Variants in RASAL1 observed in about 807,000 individuals in gnomAD.
The protein encoded by RASAL1 is RAS protein activator like 1, also known as rasGAP-activating-like protein 1.
A neutral mutation model predicts 96.6 loss-of-function variants in RASAL1; 72 were observed. The ratio of observed to expected loss-of-function variants is 0.75; its 90% CI spans 0.62 to 0.91. RASAL1 has a LOEUF of 0.91. Among genes scored for constraint, RASAL1 ranks in the 40% least tolerant of loss-of-function variants. The pLI is 0.00. For synonymous variants in RASAL1, 405 were observed against 430.4 expected (o/e 0.94, Z 0.73); for missense variants, 1,016 against 1,072.5 (o/e 0.95, Z 0.74).
rs1242976644 is a variant in RASAL1, at chr12:113,115,647, C to G, written c.991G>C (p.Val331Leu). Residue 331 changes from valine (V) to leucine (L), a missense_variant, in exon 10 of 21, where the codon GTG (valine) becomes CTG (leucine). Val to Leu is a conservative substitution (Grantham distance 32, BLOSUM62 1). Coordinates refer to ENST00000548055, the MANE Select transcript of RASAL1 (RefSeq NM_001301202.2). This position sits in a 1 kb window ranked among gnomAD's most constrained non-coding sequence, Gnocchi z 4.1. ...RFLDYLTRRE[V>L]ARTMDPNTLF... ...GCGGGCAACTCACTGGTCCGAGCCA[C>G]CTCACGCCGGGTGAGATAGTCCAGA... 1.9e-6 allele frequency: 3 copies of G among 1,613,422 alleles called. No homozygotes were observed. The highest frequency in any genetic ancestry group is 2.5e-6 in the Non-Finnish European group (3 of 1,179,984).
chr12:113,109,209 C>T (rs2136138084), intron 13 of RASAL1, among the ~76,000 whole-genome samples: 1 of 152,164 alleles, frequency 6.6e-6, no homozygotes, highest in South Asian at 2.1e-4. Flanking sequence ...TTCTTCACCA[C>T]ACTCTCCTGC....
chr12:113,101,223 C>T (rs923197114), intron 19 of RASAL1, among the ~76,000 whole-genome samples: 1 of 152,200 alleles, frequency 6.6e-6, no homozygotes, highest in Non-Finnish European at 1.5e-5. Flanking sequence ...GGAGACTAGC[C>T]TGGCCAACAT....
chr12:113,111,688 G>T (rs1950869642), intron 13 of RASAL1, among the ~76,000 whole-genome samples: 1 of 152,110 alleles, frequency 6.6e-6, no homozygotes, highest in Non-Finnish European at 1.5e-5. Context: ...CTGTCTCCTG[G>T]CTTCAAGCGA....
chr12:113,128,900 T>A (rs1227934476), intron 2 of RASAL1, among the ~76,000 whole-genome samples: 1 of 150,660 alleles, frequency 6.6e-6, no homozygotes, highest in Non-Finnish European at 1.5e-5. Flanking sequence ...AGACACACTC[T>A]CACACACTTA....
rs1303879085 is a variant in RASAL1, at chr12:113,132,089, A to G, written c.66-1148T>C. ...CAAGTTCAAGCGATTCTCCTGCCTCAGCCTCCTGAGTAGCTGGGATTACAG... is the reference window on the plus strand; with the variant it reads ...CAAGTTCAAGCGATTCTCCTGCCTCGGCCTCCTGAGTAGCTGGGATTACAG... On this transcript the variant is annotated intron_variant, in intron 1 of 20. Transcript: ENST00000548055. 2.0e-5 allele frequency among the ~76,000 whole-genome samples: 3 copies of G among 149,612 alleles called. No individual in the cohort carries two copies. The East Asian group carries it at 5.9e-4, about 29-fold the overall frequency.
At position 113,115,054 on chromosome 12, in the gene RASAL1, A is replaced by G. The variant is rs1951024112; in HGVS notation, c.1069-142T>C. On this transcript the variant is annotated intron_variant, in intron 11 of 20. Transcript: ENST00000548055. This position sits in a 1 kb window ranked among gnomAD's most constrained non-coding sequence, Gnocchi z 4.1. ...TAGGGGACACATCCAGGTGCAACTCAGGGCAAGGCCGGGCACCAGCCGCCA... is the reference window on the plus strand; with the variant it reads ...TAGGGGACACATCCAGGTGCAACTCGGGGCAAGGCCGGGCACCAGCCGCCA... 1 of 1,105,954 alleles carries G rather than the reference A, an allele frequency of 9.0e-7. No homozygotes were observed. The highest frequency in any genetic ancestry group is 1.7e-5 in the Admixed American group (1 of 57,680). The allele number at this position is 1,105,954 out of a possible 1,614,324, so 68.5% of individuals were successfully genotyped here.
chr12:113,099,869 A>G lies in RASAL1; in HGVS notation c.*60T>C. 1 of 1,559,542 alleles carries G rather than the reference A, an allele frequency of 6.4e-7. No homozygotes were observed. Among genetic ancestry groups the G allele is most frequent in the Non-Finnish European group, 8.7e-7 (1 of 1,149,406 alleles). On this transcript the variant is annotated 3_prime_UTR_variant, in exon 21 of 21. Coordinates refer to ENST00000548055, the MANE Select transcript of RASAL1 (RefSeq NM_001301202.2). ...GGAGACAGGAGACTCCCGGGGCAGG[A>G]TGCGCTGAAGAGGGCCCCCTGGCTC... is the stretch of plus-strand genomic sequence containing the variant.
chr12:113,099,893 T>A lies in RASAL1; in HGVS notation c.*36A>T. On this transcript the variant is annotated 3_prime_UTR_variant, in exon 21 of 21. Transcript: ENST00000548055. The stretch of plus-strand genomic sequence containing the variant: ...GATGCGCTGAAGAGGGCCCCCTGGC[T>A]CTTGCTCCTCCTTCCGGGCTAGCTC... The A allele has an allele frequency of 6.3e-7, 1 of 1,587,560 alleles. No individual in the cohort carries two copies. Among genetic ancestry groups the A allele is most frequent in the Non-Finnish European group, 8.6e-7 (1 of 1,163,016 alleles).
Position 113,100,609 on chromosome 12 carries a change from G to A in RASAL1, c.2278+19C>T. 1 of 1,598,076 alleles carries A rather than the reference G, an allele frequency of 6.3e-7. No individual in the cohort carries two copies. Among genetic ancestry groups the A allele is most frequent in the Non-Finnish European group, 8.6e-7 (1 of 1,166,488 alleles). ...CCACTGCACCCAGCCTTTACCTTCTGAGGTACAGGAGCCCTTACCTGTGTC... is the reference window on the plus strand; with the variant it reads ...CCACTGCACCCAGCCTTTACCTTCTAAGGTACAGGAGCCCTTACCTGTGTC... On this transcript the variant is annotated intron_variant, in intron 20 of 20. Transcript: ENST00000548055.
chr12:113,119,582 C>T (rs370406183), intron 5 of RASAL1, 139 bp from the exon 6 acceptor site: 2 of 815,596 alleles, frequency 2.5e-6, no homozygotes, highest in Middle Eastern at 2.6e-4. Flanking sequence ...GCTAGGGACA[C>T]CCCTAACCAT....
At chr12:113,107,637 T>C (rs1592897488) in intron 14 of RASAL1, 1 of 404,568 alleles carries the variant, frequency 2.5e-6, no homozygotes, top group Admixed American at 3.2e-5. Context: ...AAAAAATAAA[T>C]CAATAAGAAG....
Position 113,115,704 on chromosome 12 carries a change from G to T in RASAL1, c.934C>A (p.Leu312Ile). 1 of 1,614,110 alleles carries T rather than the reference G, an allele frequency of 6.2e-7. No individual in the cohort carries two copies. The highest frequency in any genetic ancestry group is 8.5e-7 in the Non-Finnish European group (1 of 1,180,010). ...RQDLATKLVK[L>I]FLGRGLAGRF... is the part of the protein sequence containing the mutation. ...CCAGCCAGTCCCCGGCCAAGAAAGA[G>T]TTTCACCAGCTTGGTGGCAAGGTCC... The change falls in exon 10 of 21, where the codon CTC (leucine) becomes ATC (isoleucine). Residue 312 changes from leucine to isoleucine, a missense_variant. Leu to Ile is a conservative substitution (Grantham distance 5). Transcript: ENST00000548055. The surrounding 1 kb of genome is among the most constrained non-coding windows in gnomAD (Gnocchi z 4.1).
At position 113,099,907 on chromosome 12, in the gene RASAL1, C is replaced by T; in HGVS notation, c.*22G>A. ...GGCCCCCTGGCTCTTGCTCCTCCTTCCGGGCTAGCTCTGGCATTTCCTTAG... is the reference window on the plus strand; with the variant it reads ...GGCCCCCTGGCTCTTGCTCCTCCTTTCGGGCTAGCTCTGGCATTTCCTTAG... On this transcript the variant is annotated 3_prime_UTR_variant, in exon 21 of 21. Transcript: ENST00000548055. 6.3e-7 allele frequency: 1 copy of T among 1,599,778 alleles called. No homozygotes were observed. The highest frequency in any genetic ancestry group is 8.5e-7 in the Non-Finnish European group (1 of 1,171,236).
rs1951643975 is a variant in RASAL1, at chr12:113,130,087, T to C, written c.122+798A>G. 1.3e-5 allele frequency among the ~76,000 whole-genome samples: 2 copies of C among 151,438 alleles called. No individual in the cohort carries two copies. The highest frequency in any genetic ancestry group is 4.9e-5 in the African/African-American group (2 of 41,196). On this transcript the variant is annotated intron_variant, in intron 2 of 20. Coordinates refer to ENST00000548055, the MANE Select transcript of RASAL1 (RefSeq NM_001301202.2). The surrounding 1 kb of genome is among the most constrained non-coding windows in gnomAD (Gnocchi z 5.1). Reference sequence around the variant, plus strand: ...AGCTCTGAGCCCATCTGGACCAGAATAGGAGCATCCTGAATCCTGCCGTCT... The same window carrying C: ...AGCTCTGAGCCCATCTGGACCAGAACAGGAGCATCCTGAATCCTGCCGTCT...
At position 113,119,365 on chromosome 12, in the gene RASAL1, G is replaced by C. The variant is rs142936191; in HGVS notation, c.507C>G (p.Thr169=). The change falls in exon 6 of 21, where the codon ACC becomes ACG. Residue 169 remains threonine, a synonymous_variant. Transcript: ENST00000548055. ...GGCTTCATTCCCCACCACTCACTGAGGTCTCCAAGCTCTGGCTGCCCCAAA... is the reference window on the plus strand; with the variant it reads ...GGCTTCATTCCCCACCACTCACTGACGTCTCCAAGCTCTGGCTGCCCCAAA... ...RVFWGSQSLE[T]STIKKTRFPH... 1.2e-6 allele frequency: 2 copies of C among 1,612,916 alleles called. No homozygotes were observed. The highest frequency in any genetic ancestry group is 1.7e-6 in the Non-Finnish European group (2 of 1,179,550).
chr12:113,130,762 T>C lies in RASAL1; in HGVS notation c.122+123A>G, dbSNP rs1951673909. 1 of 755,070 alleles carries C rather than the reference T, an allele frequency of 1.3e-6. No individual in the cohort carries two copies. The highest frequency in any genetic ancestry group is 2.1e-6 in the Non-Finnish European group (1 of 470,096). The allele number at this position is 755,070 out of a possible 1,614,324, so 46.8% of individuals were successfully genotyped here. A position where few individuals can be genotyped will look rare whatever the true frequency, so the allele number is the denominator to read the frequency against. On this transcript the variant is annotated intron_variant, in intron 2 of 20. Transcript: ENST00000548055. The surrounding 1 kb of genome is among the most constrained non-coding windows in gnomAD (Gnocchi z 5.1). ...CCCAGCTGGACACAAATCACCCACC[T>C]GCAGGCCCGCGAGTCCCCCTCAGGG... is the stretch of plus-strand genomic sequence containing the variant.
chr12:113,119,192 G>A lies in RASAL1; in HGVS notation c.578C>T (p.Pro193Leu), dbSNP rs144694121. 5.3e-5 allele frequency: 85 copies of A among 1,613,902 alleles called. No individual in the cohort carries two copies. The highest frequency in any genetic ancestry group is 7.0e-5 in the Non-Finnish European group (83 of 1,179,956). Reference sequence around the variant, plus strand: ...CCAGAGCTCCACCCGCAGTGGGGACGGGGCACCTGGCATCTCCCGCAGCTC... The same window carrying A: ...CCAGAGCTCCACCCGCAGTGGGGACAGGGCACCTGGCATCTCCCGCAGCTC... ...VLELREMPGA[P>L]SPLRVELWDW... The change falls in exon 7 of 21, where the codon CCG becomes CTG. Residue 193 changes from proline to leucine, a missense_variant. By Grantham distance (98) the Pro-to-Leu change is moderately conservative. Coordinates refer to ENST00000548055, the MANE Select transcript of RASAL1 (RefSeq NM_001301202.2).
At chr12:113,119,021 C>A (rs1951187652) in intron 7 of RASAL1, 107 bp downstream of exon 7, 2 of 1,362,492 alleles carry the variant, frequency 1.5e-6, no homozygotes, top group South Asian at 2.9e-5. Flanking sequence ...GATGAGGCAG[C>A]TGTACATCCA....
intron 18 of RASAL1, chr12:113,103,211 ATAT>A (rs1347482321): frequency 6.7e-6 from 1 of 148,568 alleles, no homozygotes; most frequent in Non-Finnish European, 1.5e-5. Context: ...TATATATTAT[ATAT>A]TATTTTATAT....
Sources: allele counts gnomAD v4.1 joint callset (sites outside exome capture counted in the v4.1 genomes callset), GRCh38; gene constraint gnomAD v4.1.1; non-coding constraint Gnocchi (gnomAD v3.1); transcripts MANE v1.5; gene names NCBI Gene and HGNC (gene_info 2026-07-23, HGNC 2026-07-21).